NWD1: variants seen among roughly 807,000 people sequenced by gnomAD.
NWD1 encodes NACHT domain- and WD repeat-containing protein 1.
Under a neutral mutation model 135.1 loss-of-function variants are expected in NWD1, and 129 were observed. The ratio of observed to expected loss-of-function variants is 0.96; its 90% confidence interval spans 0.83 to 1.11. The LOEUF is 1.11. NWD1 is among the 50% of genes least tolerant of loss of function. NWD1 has a pLI of 0.00. For missense variants in NWD1, 1,740 were observed against 1,851.3 expected (o/e 0.94, Z 1.10); for synonymous variants, 773 against 786.0 (o/e 0.98, Z 0.28).
At chr19:16,785,749 T>A (rs905875600) in intron 12 of NWD1, among the ~76,000 whole-genome samples, 38 of 147,730 alleles carry the variant, frequency 2.6e-4, no homozygotes, top group Non-Finnish European at 4.6e-4. Flanking sequence ...TACATGAAAG[T>A]ATATATACAT....
intron 2 of NWD1, among the ~76,000 whole-genome samples, chr19:16,730,400 A>T (rs972384515): frequency 6.6e-6 from 1 of 151,920 alleles, no homozygotes; most frequent in African/African-American, 2.4e-5. Flanking sequence ...TTGGTTAAGC[A>T]TAAGGGGTAC....
At chr19:16,723,522 C>T (rs976608484) in intron 1 of NWD1, among the ~76,000 whole-genome samples, 2 of 151,918 alleles carry the variant, frequency 1.3e-5, no homozygotes, top group South Asian at 2.1e-4. Context: ...CTGTGTTGCC[C>T]AGGCTGGTCT....
At chr19:16,769,474 GC>G (rs1213702362) in intron 10 of NWD1, among the ~76,000 whole-genome samples, 4 of 149,870 alleles carry the variant, frequency 2.7e-5, no homozygotes, top group African/African-American at 7.4e-5. Flanking sequence ...AAAAAAAAGA[GC>G]CCAAATCTCA....
At chr19:16,788,094 G>T (rs1316327066) in intron 12 of NWD1, among the ~76,000 whole-genome samples, 2 of 148,110 alleles carry the variant, frequency 1.4e-5, no homozygotes, top group Non-Finnish European at 3.0e-5. Context: ...GCCAAGTGTG[G>T]TGGTGGGCAC....
chr19:16,732,248 G>A (rs966888397), intron 3 of NWD1, among the ~76,000 whole-genome samples: 1 of 150,634 alleles, frequency 6.6e-6, no homozygotes, highest in Non-Finnish European at 1.5e-5. Context: ...AGATGGAGGG[G>A]TTACAGCCAT....
intron 18 of NWD1, among the ~76,000 whole-genome samples, chr19:16,810,866 A>G (rs1970904957): frequency 6.6e-6 from 1 of 152,086 alleles, no homozygotes; most frequent in Non-Finnish European, 1.5e-5. Flanking sequence ...TTTGTTATTT[A>G]TTCATTTATT....
intron 5 of NWD1, among the ~76,000 whole-genome samples, chr19:16,745,783 G>A (rs1158822694): frequency 6.7e-6 from 1 of 148,950 alleles, no homozygotes; most frequent in African/African-American, 2.5e-5. Context: ...TAGGTATAGT[G>A]GTGCATGCCT....
intron 16 of NWD1, among the ~76,000 whole-genome samples, chr19:16,799,595 C>T (rs528907569): frequency 1.3e-5 from 2 of 152,224 alleles, no homozygotes; most frequent in Non-Finnish European, 2.9e-5. Flanking sequence ...CAAACTCCAC[C>T]TCCCGGGTTC....
chr19:16,808,563 AG>A (rs1970827854), intron 18 of NWD1, among the ~76,000 whole-genome samples: 1 of 151,940 alleles, frequency 6.6e-6, no homozygotes, highest in African/African-American at 2.4e-5. Flanking sequence ...AGAAAAGAAA[AG>A]AAAAGAAAAG....
chr19:16,760,145 A>T (rs988801799), intron 7 of NWD1, among the ~76,000 whole-genome samples: 4 of 151,180 alleles, frequency 2.6e-5, no homozygotes, highest in African/African-American at 9.9e-5. Context: ...ACAGAGTGAG[A>T]TCCTGTTTCA....
Position 16,799,920 on chromosome 19 carries a change from A to G in NWD1, c.3494A>G (p.Asp1165Gly). The G allele has an allele frequency of 6.2e-7, 1 of 1,613,324 alleles. No individual in the cohort carries two copies. The highest frequency in any genetic ancestry group is 8.5e-7 in the Non-Finnish European group (1 of 1,179,610). Residue 1165 changes from aspartate to glycine, a missense_variant, in exon 17 of 19, where the codon GAC (aspartate) becomes GGC (glycine). By Grantham distance (94) the Asp-to-Gly change is moderately conservative. Coordinates refer to ENST00000524140, the MANE Select transcript of NWD1 (RefSeq NM_001007525.5). ...WSLSEQGTLL[D>G]ILEGVGAPVS... is the part of the protein sequence containing the mutation. ...CTGTCAGAACAGGGGACCCTTCTGG[A>G]CATCCTGGAAGGCGTCGGGGCCCCC...
intron 12 of NWD1, among the ~76,000 whole-genome samples, chr19:16,779,777 C>T (rs73521279): frequency 0.045 from 6,873 of 152,162 alleles, 494 homozygotes; most frequent in African/African-American, 0.16. Context: ...GCTGGGACTA[C>T]AAGCACATAC....
intron 4 of NWD1, among the ~76,000 whole-genome samples, chr19:16,738,812 ATG>A (rs1967956774): frequency 3.6e-5 from 5 of 139,222 alleles, no homozygotes; most frequent in African/African-American, 8.3e-5. Context: ...ATACTATTAT[ATG>A]TATAATATAT....
chr19:16,754,026 T>TATCCATCC (rs57643593), intron 6 of NWD1, among the ~76,000 whole-genome samples: 91 of 144,810 alleles, frequency 6.3e-4, no homozygotes, highest in Middle Eastern at 3.8e-3. Flanking sequence ...ATCTTCCATC[T>TATCCATCC]ATCCATCCAT....
At chr19:16,751,494 A>G (rs1417620825) in intron 6 of NWD1, among the ~76,000 whole-genome samples, 1 of 151,074 alleles carries the variant, frequency 6.6e-6, no homozygotes, top group African/African-American at 2.4e-5. Context: ...GGAAGGAAGG[A>G]AGGAAGGGAG....
At chr19:16,802,546 C>T (rs1362522209) in intron 17 of NWD1, among the ~76,000 whole-genome samples, 1 of 151,790 alleles carries the variant, frequency 6.6e-6, no homozygotes, top group African/African-American at 2.4e-5. Flanking sequence ...CACACCCCAA[C>T]CCCCTTCACC....
intron 2 of NWD1, among the ~76,000 whole-genome samples, chr19:16,730,863 A>G (rs550730487): frequency 1.4e-3 from 210 of 152,046 alleles, no homozygotes; most frequent in African/African-American, 4.9e-3. Flanking sequence ...ACTCCACAAA[A>G]TAAATAAAAT....
At position 16,779,340 on chromosome 19, in the gene NWD1, C is replaced by T. The variant is rs570982799; in HGVS notation, c.2609-3C>T. On this transcript the variant is annotated splice_polypyrimidine_tract_variant and splice_region_variant and intron_variant, in intron 11 of 18. Coordinates refer to ENST00000524140, the MANE Select transcript of NWD1 (RefSeq NM_001007525.5). ...CATTGCTGTTGCCTCTGTGTGGCTG[C>T]AGGCATCACCGCCATGGCATGGGGT... is the stretch of plus-strand genomic sequence containing the variant. The T allele has an allele frequency of 3.7e-6, 6 of 1,613,814 alleles. No homozygotes were observed. In the African/African-American group the frequency reaches 8.0e-5, roughly 22 times the overall value.
intron 2 of NWD1, among the ~76,000 whole-genome samples, chr19:16,729,853 G>A (rs1277865479): frequency 6.6e-6 from 1 of 151,354 alleles, no homozygotes; most frequent in East Asian, 1.9e-4. Context: ...TGGGCACAGA[G>A]CGAGACTCTG....
Sources: allele counts gnomAD v4.1 joint callset (sites outside exome capture counted in the v4.1 genomes callset), GRCh38; gene constraint gnomAD v4.1.1; transcripts MANE v1.5; gene names NCBI Gene and HGNC (gene_info 2026-07-23, HGNC 2026-07-21).